Variants in ASAP1 observed in about 807,000 individuals in gnomAD.
The protein encoded by ASAP1 is arf-GAP with SH3 domain, ANK repeat and PH domain-containing protein 1.
ASAP1 carries 43 observed loss-of-function variants against 145.2 expected under a neutral mutation model. The ratio of observed to expected loss-of-function variants is 0.30; its 90% CI spans 0.23 to 0.38. The LOEUF is 0.38. Among genes scored for constraint, ASAP1 ranks in the 10% least tolerant of loss-of-function variants. The probability of loss-of-function intolerance (pLI) is 1.00; values close to 1 mark genes in which losing one functional copy is unlikely to be tolerated. For synonymous variants in ASAP1, 546 were observed against 515.5 expected (o/e 1.06, Z -0.80); for missense variants, 1,018 against 1,355.3 (o/e 0.75, Z 3.91).
intron 4 of ASAP1, among the ~76,000 whole-genome samples, chr8:130,226,180 C>T (rs890493879): frequency 2.6e-5 from 4 of 151,934 alleles, no homozygotes; most frequent in South Asian, 4.1e-4. Flanking sequence ...CCCTCTGTTC[C>T]TGTTCATCAT....
intron 25 of ASAP1, among the ~76,000 whole-genome samples, chr8:130,082,552 G>T: frequency 6.7e-6 from 1 of 149,626 alleles, no homozygotes; most frequent in African/African-American, 2.5e-5. Context: ...CACCCAGGTG[G>T]GAGTGCAGTG....
intron 23 of ASAP1, 48 bp downstream of exon 23, chr8:130,115,580 A>G (rs1281797969): frequency 1.4e-6 from 2 of 1,438,744 alleles, no homozygotes; most frequent in Admixed American, 3.4e-5. Context: ...CACAGACTAG[A>G]AAAGTTGGGG....
At chr8:130,334,504 G>T (rs764131100) in intron 3 of ASAP1, among the ~76,000 whole-genome samples, 34 of 152,256 alleles carry the variant, frequency 2.2e-4, no homozygotes, top group Non-Finnish European at 4.7e-4. Flanking sequence ...AATTTGAAAA[G>T]AACTTTATGC....
intron 3 of ASAP1, among the ~76,000 whole-genome samples, chr8:130,292,773 G>A (rs562737463): frequency 1.3e-5 from 2 of 152,248 alleles, no homozygotes; most frequent in East Asian, 3.9e-4. Context: ...TAAGACCTCA[G>A]TTCAAAACTG....
At chr8:130,176,511 T>C (rs187510466) in intron 9 of ASAP1, among the ~76,000 whole-genome samples, 151 of 152,266 alleles carry the variant, frequency 9.9e-4, no homozygotes, top group Admixed American at 7.8e-4. Context: ...ACAAGGTTTT[T>C]ACTGTGTAGG....
At chr8:130,098,072 A>C (rs1294578596) in intron 24 of ASAP1, among the ~76,000 whole-genome samples, 1 of 152,206 alleles carries the variant, frequency 6.6e-6, no homozygotes, top group Non-Finnish European at 1.5e-5. Flanking sequence ...GCTAAAACAC[A>C]GTATTTAAAA....
chr8:130,202,401 G>A (rs1174857717), intron 5 of ASAP1, among the ~76,000 whole-genome samples: 2 of 152,094 alleles, frequency 1.3e-5, no homozygotes, highest in Non-Finnish European at 2.9e-5. Context: ...TTATGTATAA[G>A]CAATCTCTCA....
intron 3 of ASAP1, among the ~76,000 whole-genome samples, chr8:130,265,189 C>T (rs1820168457): frequency 1.3e-5 from 2 of 152,104 alleles, no homozygotes; most frequent in Admixed American, 1.3e-4. Flanking sequence ...ACAGGAGATG[C>T]TCATAAATGT....
chr8:130,395,311 G>C (rs979828719), intron 2 of ASAP1, among the ~76,000 whole-genome samples: 1 of 152,226 alleles, frequency 6.6e-6, no homozygotes, highest in African/African-American at 2.4e-5. Context: ...CTTGCAAAAA[G>C]TGGAGATCTT....
intron 3 of ASAP1, among the ~76,000 whole-genome samples, chr8:130,291,163 G>T (rs1389513857): frequency 1.3e-5 from 2 of 152,158 alleles, no homozygotes; most frequent in Non-Finnish European, 2.9e-5. Context: ...AAACTGGTAT[G>T]TAAATGGAAA....
At chr8:130,071,581 A>G (rs1286819621) in intron 27 of ASAP1, among the ~76,000 whole-genome samples, 1 of 152,188 alleles carries the variant, frequency 6.6e-6, no homozygotes, top group Non-Finnish European at 1.5e-5. Context: ...TAATGGAGAG[A>G]AGGAGAAATA....
intron 24 of ASAP1, 27 bp downstream of exon 24, chr8:130,112,067 G>A (rs1190967042): frequency 1.3e-6 from 2 of 1,592,762 alleles, no homozygotes; most frequent in South Asian, 1.1e-5. Context: ...CGAGGATGGA[G>A]TCACAAGCCC....
intron 7 of ASAP1, among the ~76,000 whole-genome samples, chr8:130,183,489 C>T (rs1006209576): frequency 9.2e-5 from 14 of 151,924 alleles, no homozygotes; most frequent in African/African-American, 3.4e-4. Flanking sequence ...TACAGGAACC[C>T]GCCACCACGC....
At chr8:130,387,658 GAA>G (rs35915232) in intron 2 of ASAP1, among the ~76,000 whole-genome samples, 13 of 107,546 alleles carry the variant, frequency 1.2e-4, no homozygotes, top group African/African-American at 1.3e-4. Context: ...CTCCATCTCA[GAA>G]AAAAAAAAAA....
intron 9 of ASAP1, among the ~76,000 whole-genome samples, chr8:130,176,703 CTTTT>C (rs1481837276): frequency 1.6e-5 from 2 of 123,802 alleles, no homozygotes; most frequent in East Asian, 4.8e-4. Flanking sequence ...TTTTTTTTTT[CTTTT>C]GAGACAGAGT....
At chr8:130,221,257 AAAAG>A (rs1349524060) in intron 4 of ASAP1, among the ~76,000 whole-genome samples, 9 of 151,982 alleles carry the variant, frequency 5.9e-5, no homozygotes, top group East Asian at 1.9e-4. Flanking sequence ...GAAAGGAAAG[AAAAG>A]AAAGAAAGAG....
At chr8:130,399,778 G>A (rs1828693888) in intron 2 of ASAP1, among the ~76,000 whole-genome samples, 1 of 150,202 alleles carries the variant, frequency 6.7e-6, no homozygotes, top group African/African-American at 2.4e-5. Context: ...CCTTTTTCAT[G>A]GATAAGAAAA....
intron 3 of ASAP1, among the ~76,000 whole-genome samples, chr8:130,332,244 G>T (rs1167683368): frequency 6.6e-6 from 1 of 152,134 alleles, no homozygotes; most frequent in Non-Finnish European, 1.5e-5. Flanking sequence ...GATGTTGAGT[G>T]CTTGTTATCA....
intron 3 of ASAP1, among the ~76,000 whole-genome samples, chr8:130,327,465 G>A (rs1169899220): frequency 6.6e-6 from 1 of 152,164 alleles, no homozygotes; most frequent in East Asian, 1.9e-4. Context: ...CACAGCACAG[G>A]CATGTAAGAC....
Sources: allele counts gnomAD v4.1 joint callset (sites outside exome capture counted in the v4.1 genomes callset), GRCh38; gene constraint gnomAD v4.1.1; transcripts MANE v1.5; gene names NCBI Gene and HGNC (gene_info 2026-07-23, HGNC 2026-07-21).